The following FSTL4 variants were observed in gnomAD, a reference collection of about 807,000 sequenced individuals.
The protein encoded by FSTL4 is follistatin like 4, also known as follistatin-related protein 4.
FSTL4 carries 28 observed loss-of-function variants against 78.2 expected under a neutral mutation model. That is an observed-to-expected ratio of 0.36 (90% CI 0.27 to 0.49). The LOEUF is 0.49. Among genes scored for constraint, FSTL4 ranks in the 20% least tolerant of loss-of-function variants. FSTL4 has a pLI of 0.98. For synonymous variants in FSTL4, 422 were observed against 440.5 expected (o/e 0.96, Z 0.53); for missense variants, 922 against 1,084.9 (o/e 0.85, Z 2.11).
chr5:133,326,424 G>A (rs866176158), intron 4 of FSTL4, among the ~76,000 whole-genome samples: 18 of 152,176 alleles, frequency 1.2e-4, no homozygotes, highest in African/African-American at 4.3e-4. Context: ...CACTGCCGCT[G>A]TCCCCTGGGG....
chr5:133,779,057 C>G, the FSTL4 span, among the ~76,000 whole-genome samples: 4 of 152,168 alleles, frequency 2.6e-5, no homozygotes, highest in African/African-American at 9.7e-5. Context: ...CACCAGTGGC[C>G]CATAGTACCC....
At chr5:133,707,913 T>C in the FSTL4 span, among the ~76,000 whole-genome samples, 1 of 152,020 alleles carries the variant, frequency 6.6e-6, no homozygotes, top group East Asian at 1.9e-4. Flanking sequence ...GGAGGCTTCC[T>C]TGCATTTCAG....
chr5:133,244,340 T>A (rs1751970453), intron 7 of FSTL4: 1 of 152,394 alleles, frequency 6.6e-6, no homozygotes, highest in South Asian at 2.1e-4. Context: ...GTGCTGCTGG[T>A]GGCCACGCCT....
At chr5:133,311,165 A>C (rs1298338977) in intron 6 of FSTL4, among the ~76,000 whole-genome samples, 1 of 152,212 alleles carries the variant, frequency 6.6e-6, no homozygotes, top group Admixed American at 6.5e-5. Context: ...TTTAACAATG[A>C]GCTCTCATGA....
At chr5:133,825,214 C>T in the FSTL4 span, among the ~76,000 whole-genome samples, 2 of 152,176 alleles carry the variant, frequency 1.3e-5, no homozygotes, top group African/African-American at 4.8e-5. Flanking sequence ...AGGACACACC[C>T]CCCAGAAACC....
At chr5:133,373,539 A>C (rs1755367145) in intron 4 of FSTL4, among the ~76,000 whole-genome samples, 1 of 152,250 alleles carries the variant, frequency 6.6e-6, no homozygotes, top group Non-Finnish European at 1.5e-5. Flanking sequence ...AGGCGGCAGC[A>C]CCAATGTGAA....
intron 3 of FSTL4, among the ~76,000 whole-genome samples, chr5:133,516,613 G>T (rs973343991): frequency 6.6e-6 from 1 of 152,176 alleles, no homozygotes; most frequent in Admixed American, 6.5e-5. Context: ...AATAAATTGT[G>T]AATGGGATTT....
At chr5:133,660,449 A>G in the FSTL4 span, among the ~76,000 whole-genome samples, 1 of 152,238 alleles carries the variant, frequency 6.6e-6, no homozygotes, top group Non-Finnish European at 1.5e-5. Flanking sequence ...AGCAGCAAAG[A>G]CTGGCCTTAC....
chr5:133,346,383 C>A (rs1754698418), intron 4 of FSTL4, among the ~76,000 whole-genome samples: 1 of 152,128 alleles, frequency 6.6e-6, no homozygotes, highest in African/African-American at 2.4e-5. Flanking sequence ...ACGTTCTGCA[C>A]ACGTATCCCA....
In FSTL4 at chr5:133,611,369, G is replaced by A. The variant is rs1252385718; in HGVS notation, c.-11+956C>T. Among the ~76,000 whole-genome samples the A allele has an allele frequency of 6.6e-6, 1 of 152,212 alleles. No individual in the cohort carries two copies. Among genetic ancestry groups the A allele is most frequent in the African/African-American group, 2.4e-5 (1 of 41,464 alleles). On this transcript the variant is annotated intron_variant, in intron 1 of 15. Coordinates refer to ENST00000265342, the MANE Select transcript of FSTL4 (RefSeq NM_015082.2). The surrounding 1 kb of genome is among the most constrained non-coding windows in gnomAD (Gnocchi z 4.9). ...CAAAGTCCTCAGGTGGCAGGCCTGG[G>A]GTTGGCGCCGCTTTGTCGGCTGCAG...
intron 3 of FSTL4, among the ~76,000 whole-genome samples, chr5:133,473,574 C>T (rs778243998): frequency 2.0e-5 from 3 of 152,198 alleles, no homozygotes; most frequent in Non-Finnish European, 4.4e-5. Context: ...AACACATTAC[C>T]TACATATGCT....
the FSTL4 span, among the ~76,000 whole-genome samples, chr5:133,697,928 C>A: frequency 6.6e-6 from 1 of 152,146 alleles, no homozygotes; most frequent in Non-Finnish European, 1.5e-5. Context: ...AAAAAGATAG[C>A]TCCCATAGAT....
At chr5:133,630,779 G>A in the FSTL4 span, among the ~76,000 whole-genome samples, 2 of 152,118 alleles carry the variant, frequency 1.3e-5, no homozygotes, top group East Asian at 1.9e-4. Context: ...CATTGTACTG[G>A]TACCAAAACT....
At chr5:133,356,080 C>T (rs1051974277) in intron 4 of FSTL4, among the ~76,000 whole-genome samples, 1 of 152,246 alleles carries the variant, frequency 6.6e-6, no homozygotes, top group Admixed American at 6.5e-5. Flanking sequence ...GCTGCCCAAA[C>T]CTCCCCCACA....
At chr5:133,832,833 A>G in the FSTL4 span, among the ~76,000 whole-genome samples, 9 of 152,172 alleles carry the variant, frequency 5.9e-5, no homozygotes, top group Non-Finnish European at 1.0e-4. Context: ...CAACTATCCA[A>G]CTCTGCCGTT....
chr5:133,743,705 T>C, the FSTL4 span, among the ~76,000 whole-genome samples: 3 of 152,256 alleles, frequency 2.0e-5, no homozygotes, highest in Non-Finnish European at 2.9e-5. Flanking sequence ...GTAAACAAGA[T>C]ACTAGCAGGC....
At chr5:133,434,201 C>G (rs1756996336) in intron 3 of FSTL4, among the ~76,000 whole-genome samples, 1 of 152,040 alleles carries the variant, frequency 6.6e-6, no homozygotes, top group Non-Finnish European at 1.5e-5. Flanking sequence ...AGACGAGACT[C>G]AAGGTGCGCT....
the FSTL4 span, among the ~76,000 whole-genome samples, chr5:133,761,524 A>G: frequency 6.6e-6 from 1 of 152,230 alleles, no homozygotes; most frequent in Admixed American, 6.5e-5. Context: ...CCCCTGAGAA[A>G]ACCCAGATTC....
intron 11 of FSTL4, among the ~76,000 whole-genome samples, chr5:133,223,049 G>A (rs184245916): frequency 2.6e-5 from 4 of 152,318 alleles, no homozygotes; most frequent in Admixed American, 2.0e-4. Flanking sequence ...ATTCCATGGG[G>A]CCTCTTGCAT....
Sources: gnomAD v4.1 joint callset for allele counts (sites outside exome capture counted in the v4.1 genomes callset) on GRCh38, gnomAD v4.1.1 for gene constraint, Gnocchi (gnomAD v3.1) non-coding constraint, MANE v1.5 for transcripts, NCBI Gene and HGNC (gene_info 2026-07-23, HGNC 2026-07-21) for gene names.